The following NRG1 variants were observed in gnomAD, a reference collection of about 807,000 sequenced individuals.
The protein encoded by NRG1 is neuregulin 1.
NRG1 carries 18 observed loss-of-function variants against 63.8 expected under a neutral mutation model. The observed-to-expected ratio is 0.28, with a 90% CI of 0.19 to 0.42. NRG1 has a LOEUF of 0.42. Among genes scored for constraint, NRG1 ranks in the 10% least tolerant of loss-of-function variants. NRG1 has a pLI of 1.00. For synonymous variants in NRG1, 302 were observed against 301.3 expected, an observed-to-expected ratio of 1.00 and a Z score of -0.02; for missense variants, 762 against 814.7, an observed-to-expected ratio of 0.94 and a Z score of 0.79.
intron 5 of NRG1, among the ~76,000 whole-genome samples, chr8:32,723,738 G>A: frequency 7.3e-6 from 1 of 137,714 alleles, no homozygotes; most frequent in Non-Finnish European, 1.6e-5. Context: ...AAGGAGGTGA[G>A]GAAGGAAGGA....
At chr8:31,886,095 G>T (rs1317248161) in intron 1 of NRG1, among the ~76,000 whole-genome samples, 1 of 152,052 alleles carries the variant, frequency 6.6e-6, no homozygotes, top group Non-Finnish European at 1.5e-5. Context: ...CCTTAGTAAG[G>T]TAGGATATTA....
chr8:31,924,334 C>A (rs1834158805), intron 1 of NRG1, among the ~76,000 whole-genome samples: 1 of 140,950 alleles, frequency 7.1e-6, no homozygotes, highest in Non-Finnish European at 1.5e-5. Flanking sequence ...CTGGGCAATA[C>A]AGGGAGACTC....
chr8:31,979,660 C>G (rs1332605285), intron 1 of NRG1, among the ~76,000 whole-genome samples: 1 of 151,972 alleles, frequency 6.6e-6, no homozygotes, highest in Non-Finnish European at 1.5e-5. Flanking sequence ...ATCTATTTCC[C>G]CAAACTAGAT....
At position 32,582,139 on chromosome 8, in the gene NRG1, C is replaced by T. The variant is rs548344082; in HGVS notation, c.101-13689C>T. On this transcript the variant is annotated intron_variant, in intron 1 of 11. Transcript: ENST00000356819. Reference sequence around the variant, plus strand: ...TTGAGACAGGGTCTTGCTCTGTCACCCAGACTGGAGTGCAGTGGCATGGTT... The same window carrying T: ...TTGAGACAGGGTCTTGCTCTGTCACTCAGACTGGAGTGCAGTGGCATGGTT... Among the ~76,000 whole-genome samples, 277 of 106,796 alleles carry T rather than the reference C, an allele frequency of 2.6e-3. 1 individual carries two copies. Among genetic ancestry groups the T allele is most frequent in the Non-Finnish European group, 3.8e-3 (178 of 46,724 alleles). The allele number at this position is 106,796 out of a possible 152,430, so 70.1% of individuals were successfully genotyped here.
chr8:32,757,404 G>A (rs1021610951), intron 9 of NRG1, among the ~76,000 whole-genome samples: 1 of 151,988 alleles, frequency 6.6e-6, no homozygotes, highest in Admixed American at 6.6e-5. Flanking sequence ...AGCTTATATT[G>A]TAGTACCATT....
At chr8:31,709,551 T>C (rs1212694106) in intron 1 of NRG1, among the ~76,000 whole-genome samples, 1 of 152,108 alleles carries the variant, frequency 6.6e-6, no homozygotes, top group Non-Finnish European at 1.5e-5. Flanking sequence ...TTTAAAAATG[T>C]GGTAGAATTT....
At chr8:32,660,416 G>T (rs1302549989) in intron 5 of NRG1, among the ~76,000 whole-genome samples, 1 of 152,018 alleles carries the variant, frequency 6.6e-6, no homozygotes, top group Non-Finnish European at 1.5e-5. Context: ...TCTGAAACCG[G>T]GTCTTAAATC....
At chr8:32,773,692 C>A (rs1239096137) in intron 7 of NRG1, among the ~76,000 whole-genome samples, 1 of 152,142 alleles carries the variant, frequency 6.6e-6, no homozygotes, top group African/African-American at 2.4e-5. Context: ...CATCTACTTC[C>A]TTTCACTCCC....
intron 1 of NRG1, among the ~76,000 whole-genome samples, chr8:32,532,889 GCAAAATTT>G (rs1302142904): frequency 6.6e-6 from 1 of 151,924 alleles, no homozygotes; most frequent in African/African-American, 2.4e-5. Context: ...TTTCTAAAAT[GCAAAATTT>G]GTAACAATTT....
intron 5 of NRG1, among the ~76,000 whole-genome samples, chr8:32,689,214 C>T (rs755876200): frequency 1.8e-4 from 27 of 151,544 alleles, no homozygotes; most frequent in South Asian, 4.2e-4. Flanking sequence ...CACAGATTCT[C>T]GTAATATCTG....
chr8:32,028,873 C>T (rs1817854549), intron 1 of NRG1, among the ~76,000 whole-genome samples: 1 of 150,502 alleles, frequency 6.6e-6, no homozygotes, highest in Non-Finnish European at 1.5e-5. Flanking sequence ...ACTAACCTTC[C>T]TATTCATAGT....
At chr8:32,712,228 A>G (rs1387896802) in intron 5 of NRG1, among the ~76,000 whole-genome samples, 1 of 152,208 alleles carries the variant, frequency 6.6e-6, no homozygotes, top group Non-Finnish European at 1.5e-5. Flanking sequence ...ATCACAGGTA[A>G]TGATGATAAT....
chr8:31,682,898 T>A (rs1459201620), intron 1 of NRG1, among the ~76,000 whole-genome samples: 1 of 152,144 alleles, frequency 6.6e-6, no homozygotes, highest in Non-Finnish European at 1.5e-5. Flanking sequence ...TTGGTGATAA[T>A]GCTTATCTCA....
chr8:31,691,291 G>A (rs988451163), intron 1 of NRG1, among the ~76,000 whole-genome samples: 3 of 152,198 alleles, frequency 2.0e-5, no homozygotes, highest in Non-Finnish European at 2.9e-5. Flanking sequence ...TGGGTAGGAA[G>A]CAAGTGATGG....
At chr8:32,605,899 A>G (rs941182838) in intron 3 of NRG1, among the ~76,000 whole-genome samples, 1 of 151,998 alleles carries the variant, frequency 6.6e-6, no homozygotes, top group African/African-American at 2.4e-5. Context: ...ATTTTTTACA[A>G]AAGGATTTTA....
intron 1 of NRG1, among the ~76,000 whole-genome samples, chr8:32,428,430 C>T (rs1325637748): frequency 1.3e-5 from 2 of 151,622 alleles, no homozygotes; most frequent in Non-Finnish European, 2.9e-5. Flanking sequence ...AGTTCTAAAG[C>T]AGGGCTTCAT....
chr8:32,718,103 G>A (rs1476897638), intron 5 of NRG1, among the ~76,000 whole-genome samples: 2 of 152,172 alleles, frequency 1.3e-5, no homozygotes, highest in Non-Finnish European at 2.9e-5. Flanking sequence ...GTGAGATTAG[G>A]AAAGCACAGT....
chr8:32,251,251 C>T (rs1849069704), intron 1 of NRG1, among the ~76,000 whole-genome samples: 1 of 152,026 alleles, frequency 6.6e-6, no homozygotes, highest in Non-Finnish European at 1.5e-5. Flanking sequence ...TGTTCCCCTC[C>T]CTGTGTCCAT....
chr8:31,852,489 A>G (rs1327895766), intron 1 of NRG1, among the ~76,000 whole-genome samples: 1 of 151,848 alleles, frequency 6.6e-6, no homozygotes, highest in Non-Finnish European at 1.5e-5. Flanking sequence ...GTTTGAGTTC[A>G]TTGTAGATTC....
Sources: allele counts gnomAD v4.1 joint callset (sites outside exome capture counted in the v4.1 genomes callset), GRCh38; gene constraint gnomAD v4.1.1; transcripts MANE v1.5; gene names NCBI Gene and HGNC (gene_info 2026-07-23, HGNC 2026-07-21).